Variants in KIF7 observed in about 807,000 individuals in gnomAD.
KIF7 encodes kinesin-like protein KIF7.
In KIF7, 104 loss-of-function variants were observed where a neutral mutation model predicts 135.7. The ratio of observed to expected loss-of-function variants is 0.77; its 90% confidence interval spans 0.65 to 0.90. KIF7 has a LOEUF of 0.90. Among genes scored for constraint, KIF7 ranks in the 40% least tolerant of loss-of-function variants. The pLI is 0.00. For synonymous variants in KIF7, 883 were observed against 809.4 expected (o/e 1.09, Z -1.54); for missense variants, 2,005 against 1,839.1 (o/e 1.09, Z -1.65).
chr15:89,634,600 G>A (rs566930733), intron 11 of KIF7, among the ~76,000 whole-genome samples: 8 of 152,340 alleles, frequency 5.3e-5, no homozygotes, highest in African/African-American at 9.6e-5. Flanking sequence ...ACTCCCACCA[G>A]AATACTGCGC....
chr15:89,656,110 T>C (rs1172587438), upstream of KIF7, among the ~76,000 whole-genome samples: 1 of 152,200 alleles, frequency 6.6e-6, no homozygotes, highest in Non-Finnish European at 1.5e-5. Flanking sequence ...CTAGTGAAAT[T>C]TTATTATGTA....
intron 1 of KIF7, among the ~76,000 whole-genome samples, chr15:89,621,137 A>G (rs1431839683): frequency 6.6e-6 from 1 of 152,050 alleles, no homozygotes; most frequent in East Asian, 1.9e-4. Context: ...CTTCTGCCTC[A>G]GCCTCCTGAG....
downstream of KIF7, chr15:89,625,313 C>T (rs182510641): frequency 6.9e-5 from 111 of 1,614,080 alleles, no homozygotes; most frequent in East Asian, 1.3e-3. Context: ...GTTCCTTGGA[C>T]ACCATCCCCC....
chr15:89,641,609 C>G (rs896667333), intron 11 of KIF7, among the ~76,000 whole-genome samples: 3 of 152,104 alleles, frequency 2.0e-5, no homozygotes, highest in Non-Finnish European at 4.4e-5. Context: ...CAAGACCAGC[C>G]TGGCTAACAT....
chr15:89,628,093 A>ATGAT lies in KIF7; in HGVS notation c.*322_*325dup. 1 of 277,124 alleles carries ATGAT rather than the reference A, an allele frequency of 3.6e-6. No individual in the cohort carries two copies. Among genetic ancestry groups the ATGAT allele is most frequent in the East Asian group, 6.5e-5 (1 of 15,276 alleles). 17.2% of individuals were successfully genotyped at this position (277,124 alleles called of 1,614,324 possible). On this transcript the variant is annotated 3_prime_UTR_variant, in exon 19 of 19. Transcript: ENST00000394412. The stretch of plus-strand genomic sequence containing the variant: ...CCTGGTTACCACCGACCCTTTCGTG[A>ATGAT]TGATTCTTGGCCAAACCCCTGAACT...
chr15:89,662,965 C>G, the KIF7 span, among the ~76,000 whole-genome samples: 6 of 152,350 alleles, frequency 3.9e-5, no homozygotes, highest in African/African-American at 1.4e-4. Context: ...ATGCGGCCTC[C>G]AGCACCCGTG....
chr15:89,645,431 C>G lies in KIF7; in HGVS notation c.1943G>C (p.Ser648Thr). 6.2e-7 allele frequency: 1 copy of G among 1,613,550 alleles called. No individual in the cohort carries two copies. Among genetic ancestry groups the G allele is most frequent in the Admixed American group, 1.7e-5 (1 of 59,958 alleles). ...HLRRNRISNCSQRAGARPGSL... is the reference protein window; with the variant it reads ...HLRRNRISNCTQRAGARPGSL... ...CCCTGGGCGTGCCCCCGCCCTCTGACTGCAGTTGCTGATCCTATTTCTGGA... is the reference window on the plus strand; with the variant it reads ...CCCTGGGCGTGCCCCCGCCCTCTGAGTGCAGTTGCTGATCCTATTTCTGGA... The change falls in exon 9 of 19, where the codon AGT becomes ACT. Residue 648 changes from serine (S) to threonine (T), a missense_variant. Coordinates refer to ENST00000394412, the MANE Select transcript of KIF7 (RefSeq NM_198525.3).
chr15:89,636,616 CAAG>C (rs1963813594), intron 11 of KIF7, among the ~76,000 whole-genome samples: 1 of 93,346 alleles, frequency 1.1e-5, no homozygotes, highest in Admixed American at 1.0e-4. Context: ...AGCAATTCAA[CAAG>C]AAGAGCTAAC....
intron 13 of KIF7, 41 bp downstream of exon 13, chr15:89,633,100 C>A (rs772140145): frequency 1.7e-5 from 28 of 1,600,858 alleles, no homozygotes; most frequent in Non-Finnish European, 2.2e-5. Context: ...CACCAGCCAG[C>A]CCCCAGGGGA....
In KIF7 at chr15:89,649,745, A is replaced by G. The variant is rs1210912714; in HGVS notation, c.525T>C (p.Asn175=). ...GAGGACCCCAGAGTTCCTCACCAAC[A>G]TTCCCGCGCTCATCTTCCCGGAGCT... is the stretch of plus-strand genomic sequence containing the variant. ...DIQLREDERG[N]VVLCGVKEVD... is the part of the protein sequence containing the mutation. The change falls in exon 3 of 19, where the codon AAT becomes AAC. Residue 175 remains asparagine, a synonymous_variant. Transcript: ENST00000394412. The G allele has an allele frequency of 6.4e-7, 1 of 1,551,770 alleles. No individual in the cohort carries two copies. Among genetic ancestry groups the G allele is most frequent in the South Asian group, 1.2e-5 (1 of 84,060 alleles).
At chr15:89,633,507 G>T (rs1963731611) in intron 12 of KIF7, among the ~76,000 whole-genome samples, 179 bp downstream of exon 12, 1 of 152,162 alleles carries the variant, frequency 6.6e-6, no homozygotes, top group Admixed American at 6.5e-5. Context: ...TCTCACCCTG[G>T]CCTTGAGTTT....
At chr15:89,652,436 C>T (rs1429583169) in intron 2 of KIF7, among the ~76,000 whole-genome samples, 167 bp downstream of exon 2, 2 of 152,240 alleles carry the variant, frequency 1.3e-5, no homozygotes, top group Admixed American at 6.5e-5. Context: ...AGCCCACAGA[C>T]ATGGCTGGTC....
At chr15:89,630,543 G>A (rs903008085) in intron 15 of KIF7, 50 bp from the exon 16 acceptor site, 1 of 1,453,992 alleles carries the variant, frequency 6.9e-7, no homozygotes. Context: ...CCTGAATGCT[G>A]AAGTCCTGGG....
intron 1 of KIF7, among the ~76,000 whole-genome samples, chr15:89,620,544 C>T (rs1178702999): frequency 6.6e-6 from 1 of 151,996 alleles, no homozygotes; most frequent in Admixed American, 6.6e-5. Context: ...TAAAGTAGTT[C>T]AGTTGTCTAC....
intron 1 of KIF7, chr15:89,618,228 T>C: frequency 3.1e-6 from 5 of 1,611,338 alleles, no homozygotes; most frequent in South Asian, 2.2e-5. Context: ...TTATCTCTTT[T>C]TGTTTTTAAT....
intron 11 of KIF7, among the ~76,000 whole-genome samples, chr15:89,638,668 T>C (rs1362193353): frequency 1.3e-5 from 2 of 150,574 alleles, no homozygotes; most frequent in Admixed American, 1.3e-4. Flanking sequence ...TGGAAGAACA[T>C]TCCATGCTCA....
At chr15:89,627,231 C>T (rs1295074618), downstream of KIF7, 6 of 958,922 alleles carry the variant, frequency 6.3e-6, no homozygotes, top group South Asian at 1.0e-4. Context: ...TCTAATTCCC[C>T]TTATGGATCC....
chr15:89,649,393 C>G, intron 3 of KIF7, 26 bp from the exon 4 acceptor site: 3 of 1,447,006 alleles, frequency 2.1e-6, no homozygotes, highest in Non-Finnish European at 2.7e-6. Context: ...GCCGTGAGCC[C>G]CAGGGCAGGG....
chr15:89,625,495 A>T, downstream of KIF7: 1 of 1,613,938 alleles, frequency 6.2e-7, no homozygotes, highest in Non-Finnish European at 8.5e-7. Flanking sequence ...TGAACTCAGC[A>T]TCCACAGGAC....
Sources: gnomAD v4.1 joint callset for allele counts (sites outside exome capture counted in the v4.1 genomes callset) on GRCh38, gnomAD v4.1.1 for gene constraint, MANE v1.5 for transcripts, NCBI Gene and HGNC (gene_info 2026-07-23, HGNC 2026-07-21) for gene names.